Variants in DOK6 observed in about 807,000 individuals in gnomAD.
DOK6 encodes the protein downstream of tyrosine kinase 6.
DOK6 carries 22 observed loss-of-function variants against 44.0 expected under a neutral mutation model. The ratio of observed to expected loss-of-function variants is 0.50; its 90% CI spans 0.36 to 0.71. DOK6 has a LOEUF of 0.71. Ranked by LOEUF, DOK6 falls within the 30% of genes least tolerant of loss-of-function variation. The pLI, the probability that DOK6 is intolerant of heterozygous loss-of-function variation, is 0.00. For synonymous variants in DOK6, 166 were observed against 145.5 expected, an observed-to-expected ratio of 1.14 and a Z score of -1.01; for missense variants, 340 against 416.4, an observed-to-expected ratio of 0.82 and a Z score of 1.60.
intron 1 of DOK6, among the ~76,000 whole-genome samples, chr18:69,478,294 G>A (rs141126102): frequency 6.6e-6 from 1 of 152,176 alleles, no homozygotes; most frequent in East Asian, 1.9e-4. Flanking sequence ...AATTATATCA[G>A]CCATCATTTA....
chr18:69,492,856 G>A (rs144356024), intron 1 of DOK6, among the ~76,000 whole-genome samples: 4 of 131,706 alleles, frequency 3.0e-5, no homozygotes, highest in African/African-American at 7.7e-5. Flanking sequence ...TAAGGATGGT[G>A]TAAGAAATAC....
chr18:69,604,055 C>T (rs1983939886), intron 3 of DOK6, among the ~76,000 whole-genome samples: 1 of 152,002 alleles, frequency 6.6e-6, no homozygotes, highest in Non-Finnish European at 1.5e-5. Context: ...CTCAATAAAT[C>T]ACAGTGATAA....
At chr18:69,614,976 G>T (rs944573256) in intron 3 of DOK6, among the ~76,000 whole-genome samples, 1 of 152,002 alleles carries the variant, frequency 6.6e-6, no homozygotes, top group Non-Finnish European at 1.5e-5. Flanking sequence ...CTCATATAAA[G>T]GTTGTATAGT....
At chr18:69,439,270 G>T (rs892681573) in intron 1 of DOK6, among the ~76,000 whole-genome samples, 2 of 152,178 alleles carry the variant, frequency 1.3e-5, no homozygotes, top group African/African-American at 2.4e-5. Context: ...TGTTTATAGA[G>T]TACTGGCAGA....
intron 1 of DOK6, among the ~76,000 whole-genome samples, chr18:69,417,116 A>G (rs1239802916): frequency 6.6e-6 from 1 of 152,134 alleles, no homozygotes. Flanking sequence ...TTTGAAATAT[A>G]CAATAAATTA....
At chr18:69,600,879 T>C (rs1156313684) in intron 3 of DOK6, among the ~76,000 whole-genome samples, 1 of 152,210 alleles carries the variant, frequency 6.6e-6, no homozygotes, top group East Asian at 1.9e-4. Flanking sequence ...CTAAAATTCA[T>C]GTTTAGTTAA....
chr18:69,781,213 T>A (rs1369197851), intron 7 of DOK6: 2 of 152,140 alleles, frequency 1.3e-5, no homozygotes, highest in East Asian at 3.9e-4. Flanking sequence ...TTTTCTATAG[T>A]GCTATAAAAA....
rs542200900 is a variant in DOK6 at position 69,421,474 on chromosome 18, G to C, written c.66+20164G>C. 2.6e-4 allele frequency among the ~76,000 whole-genome samples: 39 copies of C among 152,162 alleles called. 1 individual carries two copies. Among genetic ancestry groups the C allele is most frequent in the Non-Finnish European group, 1.9e-4 (13 of 68,008 alleles). On this transcript the variant is annotated intron_variant, in intron 1 of 7. Transcript: ENST00000382713. ...TAAAATGGGCATGAAGTATCAAATG[G>C]CCAACTCCCATAGGGTTATTGCAAG...
chr18:69,539,075 G>T (rs1221677030), intron 1 of DOK6, among the ~76,000 whole-genome samples: 1 of 152,112 alleles, frequency 6.6e-6, no homozygotes. Flanking sequence ...ATAGAAGCAA[G>T]GTCAACTAAG....
intron 6 of DOK6, 159 bp downstream of exon 6, chr18:69,739,262 A>T: frequency 1.1e-6 from 1 of 894,072 alleles, no homozygotes. Context: ...CTAATATCCT[A>T]TTCAATATGT....
rs538667696 is a variant in DOK6 at position 69,785,147 on chromosome 18, T to G, written c.856+27274T>G. On this transcript the variant is annotated intron_variant, in intron 7 of 7. Transcript: ENST00000382713. The stretch of plus-strand genomic sequence containing the variant: ...TTCCATTTCTCAGAACTTTTATGTG[T>G]GTAATGACAGCCCAACATCAGCAAT... Among the ~76,000 whole-genome samples the G allele has an allele frequency of 2.6e-5, 4 of 152,314 alleles. No individual in the cohort carries two copies. The East Asian group carries it at 5.8e-4, about 22-fold the overall frequency.
chr18:69,794,573 T>TTCCA (rs1980690897), intron 7 of DOK6, among the ~76,000 whole-genome samples: 1 of 152,098 alleles, frequency 6.6e-6, no homozygotes, highest in Non-Finnish European at 1.5e-5. Flanking sequence ...TTGAGTAAGA[T>TTCCA]TCCACTCCAT....
intron 1 of DOK6, 56 bp downstream of exon 1, chr18:69,401,366 GC>G (rs1916094709): frequency 2.2e-6 from 3 of 1,392,348 alleles, no homozygotes; most frequent in Non-Finnish European, 2.8e-6. Context: ...CCGGCTGGCT[GC>G]CTGGGGGGGG....
chr18:69,688,508 CAT>C (rs1320841300), intron 4 of DOK6, among the ~76,000 whole-genome samples: 7 of 152,136 alleles, frequency 4.6e-5, no homozygotes, highest in Non-Finnish European at 4.4e-5. Flanking sequence ...TAGACACACA[CAT>C]ATGTAGACAA....
intron 1 of DOK6, among the ~76,000 whole-genome samples, chr18:69,414,041 TATC>T (rs1422363279): frequency 2.0e-5 from 3 of 151,980 alleles, no homozygotes; most frequent in Non-Finnish European, 4.4e-5. Context: ...TACCAAGAGA[TATC>T]ATTACACACC....
chr18:69,499,922 G>T (rs567950219), intron 1 of DOK6, among the ~76,000 whole-genome samples: 4 of 152,226 alleles, frequency 2.6e-5, no homozygotes, highest in Admixed American at 1.3e-4. Context: ...TGCAGATCCT[G>T]AATGCTAACA....
At chr18:69,423,427 C>T (rs891424182) in intron 1 of DOK6, among the ~76,000 whole-genome samples, 1 of 152,190 alleles carries the variant, frequency 6.6e-6, no homozygotes, top group Non-Finnish European at 1.5e-5. Flanking sequence ...CTACCTAAGA[C>T]TAGTCTGTAC....
intron 1 of DOK6, among the ~76,000 whole-genome samples, chr18:69,429,318 T>G (rs186404470): frequency 6.6e-6 from 1 of 152,192 alleles, no homozygotes; most frequent in East Asian, 1.9e-4. Context: ...CTTTATTCTT[T>G]GGAGAACATG....
intron 3 of DOK6, among the ~76,000 whole-genome samples, chr18:69,633,280 C>A (rs1004448757): frequency 3.3e-5 from 5 of 152,084 alleles, no homozygotes; most frequent in African/African-American, 1.2e-4. Context: ...GTATTCACAC[C>A]GATTTTACAA....
Sources: gnomAD v4.1 joint callset for allele counts (sites outside exome capture counted in the v4.1 genomes callset) on GRCh38, gnomAD v4.1.1 for gene constraint, MANE v1.5 for transcripts, NCBI Gene and HGNC (gene_info 2026-07-23, HGNC 2026-07-21) for gene names.